The following RAP1GDS1 variants were observed in gnomAD, a reference collection of about 807,000 sequenced individuals.
The protein encoded by RAP1GDS1 is Rap1 GTPase-GDP dissociation stimulator 1, also known as RAP1, GTP-GDP dissociation stimulator 1.
A neutral mutation model predicts 71.1 loss-of-function variants in RAP1GDS1; 35 were observed. The observed-to-expected ratio is 0.49, with a 90% CI of 0.38 to 0.65. RAP1GDS1 has a LOEUF of 0.65. Ranked by LOEUF, RAP1GDS1 falls within the 30% of genes least tolerant of loss-of-function variation. The pLI is 0.00. For synonymous variants in RAP1GDS1, 229 were observed against 243.1 expected (o/e 0.94, Z 0.54); for missense variants, 663 against 706.1 (o/e 0.94, Z 0.69).
intron 2 of RAP1GDS1, among the ~76,000 whole-genome samples, chr4:98,323,773 T>C (rs1416623073): frequency 2.6e-5 from 4 of 151,766 alleles, no homozygotes; most frequent in Non-Finnish European, 5.9e-5. Flanking sequence ...GGAGGTATTT[T>C]AAAATAATAA....
chr4:98,359,591 G>A (rs183512580), intron 4 of RAP1GDS1, among the ~76,000 whole-genome samples: 5 of 152,088 alleles, frequency 3.3e-5, no homozygotes, highest in African/African-American at 4.8e-5. Flanking sequence ...ATGAAGATAC[G>A]ATTTTTTAAA....
rs377122982 is a variant in RAP1GDS1, at chr4:98,296,426, G to A, written c.112+2911G>A. Among the ~76,000 whole-genome samples, 8 of 151,850 alleles carry A rather than the reference G, an allele frequency of 5.3e-5. No homozygotes were observed. The East Asian group carries it at 5.8e-4, about 11-fold the overall frequency. The stretch of plus-strand genomic sequence containing the variant: ...CATTGGCAGTATTTCTCTCTGTAAC[G>A]TTTATACTATATGTGTCTATCTTAA... On this transcript the variant is annotated intron_variant, in intron 2 of 14. Coordinates refer to ENST00000408927, the MANE Select transcript of RAP1GDS1 (RefSeq NM_001100427.2).
At chr4:98,376,653 G>A (rs1578646711) in intron 4 of RAP1GDS1, among the ~76,000 whole-genome samples, 1 of 151,994 alleles carries the variant, frequency 6.6e-6, no homozygotes. Flanking sequence ...GAAAAAAGCT[G>A]TATAATCAAT....
At chr4:98,391,903 A>G in intron 5 of RAP1GDS1, 49 bp from the exon 6 acceptor site, 2 of 1,500,490 alleles carry the variant, frequency 1.3e-6, no homozygotes, top group Admixed American at 2.2e-5. Context: ...TGTTCATTTG[A>G]CATGTCAACA....
intron 2 of RAP1GDS1, among the ~76,000 whole-genome samples, chr4:98,297,357 A>G (rs949046628): frequency 3.3e-5 from 5 of 152,120 alleles, no homozygotes; most frequent in Admixed American, 6.6e-5. Context: ...ATTGTGCTTT[A>G]CTTTATTGAG....
At chr4:98,325,937 A>T (rs1404204368) in intron 2 of RAP1GDS1, among the ~76,000 whole-genome samples, 3 of 151,356 alleles carry the variant, frequency 2.0e-5, no homozygotes, top group Non-Finnish European at 4.4e-5. Context: ...AAAAAGATTC[A>T]GTGTAGTTGT....
chr4:98,286,794 G>A (rs1364769224), intron 1 of RAP1GDS1, among the ~76,000 whole-genome samples: 2 of 150,728 alleles, frequency 1.3e-5, no homozygotes, highest in African/African-American at 4.9e-5. Context: ...GCTGAGGCAG[G>A]AGAATCCCTT....
chr4:98,326,333 A>T (rs1733078617), intron 2 of RAP1GDS1, among the ~76,000 whole-genome samples: 1 of 152,164 alleles, frequency 6.6e-6, no homozygotes, highest in Admixed American at 6.5e-5. Context: ...CCATCTTTTA[A>T]CCTTTGGGTA....
intron 3 of RAP1GDS1, among the ~76,000 whole-genome samples, chr4:98,345,897 G>C (rs1282569338): frequency 6.6e-6 from 1 of 152,176 alleles, no homozygotes; most frequent in Non-Finnish European, 1.5e-5. Flanking sequence ...CATGTAACCT[G>C]AAAGATTGGG....
At chr4:98,420,540 G>T (rs1748699349) in intron 11 of RAP1GDS1, among the ~76,000 whole-genome samples, 1 of 151,814 alleles carries the variant, frequency 6.6e-6, no homozygotes, top group Admixed American at 6.6e-5. Context: ...TAATTGTTTT[G>T]GAATTTCACT....
chr4:98,420,199 C>T (rs1182603506), intron 11 of RAP1GDS1, 55 bp downstream of exon 11: 1 of 1,356,392 alleles, frequency 7.4e-7, no homozygotes, highest in African/African-American at 1.5e-5. Flanking sequence ...CTTAATGTGC[C>T]TCTAGTTGAA....
intron 1 of RAP1GDS1, among the ~76,000 whole-genome samples, chr4:98,285,526 C>T (rs549905749): frequency 6.6e-5 from 10 of 152,100 alleles, no homozygotes; most frequent in African/African-American, 1.9e-4. Context: ...CTTGTAGGAA[C>T]AAAGGAATAT....
chr4:98,352,611 G>A lies in RAP1GDS1; in HGVS notation c.361+10G>A, dbSNP rs150124018. 3.6e-5 allele frequency: 58 copies of A among 1,612,996 alleles called. No homozygotes were observed. The African/African-American group carries it at 6.1e-4, about 17-fold the overall frequency. Reference sequence around the variant, plus strand: ...ATATGTTACGATAGCCGTAAGTGTTGACATCTCAATAATACACATACATTT... The same window carrying A: ...ATATGTTACGATAGCCGTAAGTGTTAACATCTCAATAATACACATACATTT... On this transcript the variant is annotated intron_variant, in intron 4 of 14. Transcript: ENST00000408927.
intron 5 of RAP1GDS1, among the ~76,000 whole-genome samples, chr4:98,389,239 A>G (rs1240003319): frequency 1.3e-5 from 2 of 152,020 alleles, no homozygotes; most frequent in Non-Finnish European, 2.9e-5. Flanking sequence ...ACCATATTCT[A>G]GGAGGCCTCT....
chr4:98,361,616 C>T (rs1453805037), intron 4 of RAP1GDS1, among the ~76,000 whole-genome samples: 2 of 152,080 alleles, frequency 1.3e-5, no homozygotes, highest in African/African-American at 4.8e-5. Context: ...TGTTGGACAA[C>T]AGAAATTAAT....
At chr4:98,344,240 T>C (rs947147166) in intron 3 of RAP1GDS1, among the ~76,000 whole-genome samples, 3 of 152,216 alleles carry the variant, frequency 2.0e-5, no homozygotes, top group African/African-American at 4.8e-5. Flanking sequence ...TGGCCACTTA[T>C]CACTCTTATA....
intron 2 of RAP1GDS1, among the ~76,000 whole-genome samples, chr4:98,303,014 C>T (rs1390944070): frequency 6.6e-6 from 1 of 150,962 alleles, no homozygotes; most frequent in African/African-American, 2.4e-5. Context: ...TGACTGCACT[C>T]TAGCCTGGGC....
chr4:98,348,486 A>AT (rs545285711), intron 3 of RAP1GDS1, among the ~76,000 whole-genome samples: 299 of 152,294 alleles, frequency 2.0e-3, no homozygotes, highest in African/African-American at 7.1e-3. Context: ...ATACCCAGTA[A>AT]TGGGATTGCT....
In RAP1GDS1 at chr4:98,442,145, A is replaced by G. The variant is rs1215837868; in HGVS notation, c.*28A>G. ...ACTGCCCGATACACGGCATCATCCC[A>G]TCTCTAATTTCCCCTCTGTCCTCCA... On this transcript the variant is annotated 3_prime_UTR_variant, in exon 15 of 15. Coordinates refer to ENST00000408927, the MANE Select transcript of RAP1GDS1 (RefSeq NM_001100427.2). 4 of 1,606,566 alleles carry G rather than the reference A, an allele frequency of 2.5e-6. No homozygotes were observed. Among genetic ancestry groups the G allele is most frequent in the East Asian group, 2.2e-5 (1 of 44,784 alleles).
Sources: gnomAD v4.1 joint callset for allele counts (sites outside exome capture counted in the v4.1 genomes callset) on GRCh38, gnomAD v4.1.1 for gene constraint, MANE v1.5 for transcripts, NCBI Gene and HGNC (gene_info 2026-07-23, HGNC 2026-07-21) for gene names.